The following PRKCQ variants were observed in gnomAD, a reference collection of about 807,000 sequenced individuals.
The protein encoded by PRKCQ is protein kinase C theta, also known as protein kinase C theta type.
In PRKCQ, 41 loss-of-function variants were observed where a neutral mutation model predicts 91.2. That is an observed-to-expected ratio of 0.45 (90% CI 0.35 to 0.58). The LOEUF (loss-of-function observed/expected upper bound fraction) is 0.58. Among genes scored for constraint, PRKCQ ranks in the 20% least tolerant of loss-of-function variants. PRKCQ has a pLI of 0.00. For missense variants in PRKCQ, 673 were observed against 896.5 expected (o/e 0.75, Z 3.18); for synonymous variants, 307 against 316.9 (o/e 0.97, Z 0.33).
chr10:6,512,429 G>A (rs1838527483), intron 2 of PRKCQ, among the ~76,000 whole-genome samples: 1 of 152,220 alleles, frequency 6.6e-6, no homozygotes, highest in African/African-American at 2.4e-5. Flanking sequence ...CAGTCTAGGG[G>A]AAACCTCCCT....
intron 15 of PRKCQ, among the ~76,000 whole-genome samples, chr10:6,451,814 C>T (rs1364811759): frequency 6.6e-6 from 1 of 152,104 alleles, no homozygotes; most frequent in African/African-American, 2.4e-5. Context: ...TAAACAGAGC[C>T]AAAGACAAAA....
chr10:6,473,950 A>G (rs1216907857), intron 12 of PRKCQ, among the ~76,000 whole-genome samples: 1 of 151,782 alleles, frequency 6.6e-6, no homozygotes, highest in Non-Finnish European at 1.5e-5. Context: ...AAGTGCTATT[A>G]TTGTTATTAT....
At chr10:6,561,610 T>G (rs1307109591) in intron 1 of PRKCQ, among the ~76,000 whole-genome samples, 1 of 152,160 alleles carries the variant, frequency 6.6e-6, no homozygotes, top group Non-Finnish European at 1.5e-5. Context: ...AAAAAATAAT[T>G]TATGTAGATC....
intron 11 of PRKCQ, 139 bp downstream of exon 11, chr10:6,483,301 T>G: frequency 1.8e-6 from 2 of 1,131,286 alleles, no homozygotes; most frequent in South Asian, 2.8e-5. Flanking sequence ...TCCCTATTTA[T>G]TCAGCGCTCC....
downstream of PRKCQ, among the ~76,000 whole-genome samples, chr10:6,424,510 G>C (rs1304418433): frequency 6.6e-6 from 1 of 152,148 alleles, no homozygotes; most frequent in African/African-American, 2.4e-5. Context: ...AAAGGAGAGA[G>C]GTGGCAGGAG....
At chr10:6,556,898 G>A (rs541780964) in intron 1 of PRKCQ, among the ~76,000 whole-genome samples, 7 of 152,166 alleles carry the variant, frequency 4.6e-5, no homozygotes, top group Admixed American at 3.9e-4. Flanking sequence ...ACTGGAAGCC[G>A]CAAGACATAA....
In PRKCQ at chr10:6,515,114, C is replaced by T. The variant is rs776799818; in HGVS notation, c.22G>A (p.Gly8Ser). The T allele has an allele frequency of 6.2e-7, 1 of 1,613,732 alleles. No individual in the cohort carries two copies. The highest frequency in any genetic ancestry group is 1.1e-5 in the South Asian group (1 of 90,980). ...GACCCGCAGTCAAAGTTGGACAAGC[C>T]AATCCGAAGAAATGGCGACATGGTT... MSPFLRI[G>S]LSNFDCGSCQ... Residue 8 changes from glycine (G) to serine (S), a missense_variant, in exon 2 of 18, where the codon GGC (glycine) becomes AGC (serine). Transcript: ENST00000263125.
At chr10:6,397,222 G>A in the PRKCQ span, among the ~76,000 whole-genome samples, 1 of 151,956 alleles carries the variant, frequency 6.6e-6, no homozygotes, top group African/African-American at 2.4e-5. Context: ...TCAGCCTCCC[G>A]AGTAGCTGGG....
intron 15 of PRKCQ, among the ~76,000 whole-genome samples, chr10:6,444,359 A>AT (rs112661990): frequency 0.012 from 1,852 of 152,180 alleles, 47 homozygotes; most frequent in African/African-American, 0.042. Flanking sequence ...ACCTGGCACT[A>AT]TTTTTAACAT....
chr10:6,472,725 C>A (rs1005051963), intron 12 of PRKCQ, among the ~76,000 whole-genome samples: 1 of 151,614 alleles, frequency 6.6e-6, no homozygotes, highest in African/African-American at 2.4e-5. Context: ...TTCTTTTTTT[C>A]TTTTTGAGAC....
intron 1 of PRKCQ, among the ~76,000 whole-genome samples, chr10:6,531,931 A>AGCAG (rs1491217338): frequency 1.3e-5 from 2 of 152,056 alleles, no homozygotes; most frequent in East Asian, 3.9e-4. Context: ...AAAGCTATCT[A>AGCAG]CCTAATTAGC....
chr10:6,453,740 A>G (rs1352883102), intron 15 of PRKCQ, among the ~76,000 whole-genome samples: 3 of 126,514 alleles, frequency 2.4e-5, no homozygotes, highest in Non-Finnish European at 5.0e-5. Flanking sequence ...CTATGCAGCC[A>G]TAAAAAAATG....
At chr10:6,489,834 A>T (rs1353736355) in intron 8 of PRKCQ, among the ~76,000 whole-genome samples, 1 of 152,070 alleles carries the variant, frequency 6.6e-6, no homozygotes, top group Non-Finnish European at 1.5e-5. Flanking sequence ...AAATGAAACG[A>T]AGCAGGCAGA....
chr10:6,423,252 C>T (rs1243299140), downstream of PRKCQ, among the ~76,000 whole-genome samples: 1 of 152,186 alleles, frequency 6.6e-6, no homozygotes, highest in African/African-American at 2.4e-5. Flanking sequence ...AACAATGAGT[C>T]AGCCAGCCTG....
Position 6,486,077 on chromosome 10 carries a change from C to A in PRKCQ, c.858G>T (p.Lys286Asn). ...KVANLCGINQ[K>N]LMAEALAMIE... ...TCATGGCCAGCGCTTCAGCCATTAG[C>A]TTCTGGTTTATGCCACAAAGGTTGG... The change falls in exon 9 of 18, where the codon AAG becomes AAT. Residue 286 changes from lysine (K) to asparagine (N), a missense_variant. Physicochemically the swap from Lys to Asn is moderately conservative, Grantham distance 94 (BLOSUM62 0). Coordinates refer to ENST00000263125, the MANE Select transcript of PRKCQ (RefSeq NM_006257.5). 6.2e-7 allele frequency: 1 copy of A among 1,614,158 alleles called. No homozygotes were observed. The highest frequency in any genetic ancestry group is 8.5e-7 in the Non-Finnish European group (1 of 1,180,034).
At chr10:6,539,438 T>C (rs1161852771) in intron 1 of PRKCQ, among the ~76,000 whole-genome samples, 1 of 151,888 alleles carries the variant, frequency 6.6e-6, no homozygotes, top group African/African-American at 2.4e-5. Context: ...AACCCTATCA[T>C]GAACTGCGCA....
chr10:6,553,497 A>AT (rs201220131), intron 1 of PRKCQ, among the ~76,000 whole-genome samples: 63,583 of 128,476 alleles, frequency 0.49, 18,051 homozygotes, highest in Admixed American at 0.63. Flanking sequence ...CTCAAAAAAA[A>AT]AAAAAAAAAA....
At chr10:6,556,267 C>CA (rs999103988) in intron 1 of PRKCQ, among the ~76,000 whole-genome samples, 11 of 151,844 alleles carry the variant, frequency 7.2e-5, no homozygotes, top group Admixed American at 6.6e-4. Flanking sequence ...CACATCTCTA[C>CA]AAAAAATTTA....
intron 16 of PRKCQ, among the ~76,000 whole-genome samples, chr10:6,441,251 T>A (rs149103811): frequency 1.3e-5 from 2 of 152,192 alleles, no homozygotes; most frequent in Non-Finnish European, 2.9e-5. Context: ...GCCCATTTTC[T>A]CCTGCCTCAG....
Sources: allele counts gnomAD v4.1 joint callset (sites outside exome capture counted in the v4.1 genomes callset), GRCh38; gene constraint gnomAD v4.1.1; transcripts MANE v1.5; gene names NCBI Gene and HGNC (gene_info 2026-07-23, HGNC 2026-07-21).